TMEM63A: variants seen among roughly 807,000 people sequenced by gnomAD.
TMEM63A encodes transmembrane protein 63A.
Under a neutral mutation model 100.6 loss-of-function variants are expected in TMEM63A, and 76 were observed. The ratio of observed to expected loss-of-function variants is 0.76; its 90% CI spans 0.63 to 0.91. The LOEUF is 0.91. Ranked by LOEUF, TMEM63A falls within the 40% of genes least tolerant of loss-of-function variation. The pLI is 0.00. For synonymous variants in TMEM63A, 401 were observed against 401.1 expected, an observed-to-expected ratio of 1.00 and a Z score of 0.00; for missense variants, 876 against 1,008.8, an observed-to-expected ratio of 0.87 and a Z score of 1.78.
chr1:225,853,509 G>T lies in TMEM63A; in HGVS notation c.1797+120C>A. On this transcript the variant is annotated intron_variant, in intron 19 of 24. Transcript: ENST00000366835. This position sits in a 1 kb window ranked among gnomAD's most constrained non-coding sequence, Gnocchi z 4.0. The stretch of plus-strand genomic sequence containing the variant: ...AGCACTTAGCCCAGTGCCTGCACTA[G>T]TGGGTAGTCAGGTAAATGCTACCCA... 9.2e-7 allele frequency: 1 copy of T among 1,086,832 alleles called. No individual in the cohort carries two copies. The highest frequency in any genetic ancestry group is 1.3e-6 in the Non-Finnish European group (1 of 785,212). The allele number at this position is 1,086,832 out of a possible 1,614,324, so 67.3% of individuals were successfully genotyped here.
intron 22 of TMEM63A, 77 bp from the exon 23 acceptor site, chr1:225,848,631 T>G: frequency 6.8e-7 from 1 of 1,466,648 alleles, no homozygotes; most frequent in Admixed American, 1.7e-5. Context: ...ACACACAGAC[T>G]ATTAACACCC....
chr1:225,853,329 G>A lies in TMEM63A; in HGVS notation c.1797+300C>T, dbSNP rs372602338. ...TTTGGCTAAGAATTTATGCAAATGGGTGCCTACAGAAAAAGAGTCTGTTGG... is the reference window on the plus strand; with the variant it reads ...TTTGGCTAAGAATTTATGCAAATGGATGCCTACAGAAAAAGAGTCTGTTGG... On this transcript the variant is annotated intron_variant, in intron 19 of 24. Coordinates refer to ENST00000366835, the MANE Select transcript of TMEM63A (RefSeq NM_014698.3). The surrounding 1 kb of genome is among the most constrained non-coding windows in gnomAD (Gnocchi z 4.0). Among the ~76,000 whole-genome samples, 3 of 152,328 alleles carry A rather than the reference G, an allele frequency of 2.0e-5. No homozygotes were observed. Among genetic ancestry groups the A allele is most frequent in the East Asian group, 3.9e-4 (2 of 5,190 alleles).
intron 21 of TMEM63A, 79 bp from the exon 22 acceptor site, chr1:225,849,091 G>T (rs957630516): frequency 1.9e-5 from 22 of 1,141,062 alleles, no homozygotes; most frequent in Admixed American, 8.5e-5. Context: ...GGAAGGGGCC[G>T]CACCTGGTGT....
intron 3 of TMEM63A, among the ~76,000 whole-genome samples, chr1:225,876,063 C>CAAAAAAAA (rs532420561): frequency 1.8e-4 from 6 of 32,920 alleles, no homozygotes; most frequent in East Asian, 1.3e-3. Context: ...GACCTTGTCT[C>CAAAAAAAA]AAAAAAAAAA....
downstream of TMEM63A, chr1:225,841,212 T>C (rs1378666231): frequency 6.6e-6 from 1 of 152,234 alleles, no homozygotes; most frequent in Non-Finnish European, 1.5e-5. Flanking sequence ...ACAGAGTATA[T>C]ACCCTTGAGT....
intron 1 of TMEM63A, among the ~76,000 whole-genome samples, chr1:225,881,208 T>A (rs1435840491): frequency 6.6e-6 from 1 of 152,218 alleles, no homozygotes; most frequent in East Asian, 1.9e-4. Context: ...AGGGATTATG[T>A]GAGCAGGCTC....
chr1:225,850,819 C>T (rs1669290416), intron 20 of TMEM63A, among the ~76,000 whole-genome samples: 1 of 152,176 alleles, frequency 6.6e-6, no homozygotes, highest in African/African-American at 2.4e-5. Context: ...TCATGCCATT[C>T]TTCTGCCTCA....
intron 23 of TMEM63A, 130 bp downstream of exon 23, chr1:225,848,362 C>G: frequency 2.1e-6 from 2 of 939,580 alleles, no homozygotes; most frequent in Non-Finnish European, 3.2e-6. Context: ...GCCATTAATT[C>G]ACAAACTTGC....
Position 225,862,250 on chromosome 1 carries a change from G to C in TMEM63A, c.1053C>G (p.Phe351Leu). The change falls in exon 13 of 25, where the codon TTC (phenylalanine) becomes TTG (leucine). Residue 351 changes from phenylalanine to leucine, a missense_variant. Physicochemically the swap from Phe to Leu is conservative, Grantham distance 22 (BLOSUM62 0). Transcript: ENST00000366835. This position sits in a 1 kb window ranked among gnomAD's most constrained non-coding sequence, Gnocchi z 5.1. Reference protein sequence around the residue: ...HVQDQPLGMAFVTFQEKSMAT... With the variant: ...HVQDQPLGMALVTFQEKSMAT... ...CCATGGACTTCTCCTGGAAGGTGAC[G>C]AAGGCCATTCCCAGGGGCTGGTCCT... The C allele has an allele frequency of 6.2e-7, 1 of 1,614,142 alleles. No homozygotes were observed. The highest frequency in any genetic ancestry group is 1.1e-5 in the South Asian group (1 of 91,080).
chr1:225,846,902 T>G lies in TMEM63A; in HGVS notation c.*37A>C. On this transcript the variant is annotated 3_prime_UTR_variant, in exon 25 of 25. Transcript: ENST00000366835. ...AGCCAAGGGCCTGAGCCCCAGGCCATTCTGGTTGTGTCTTTTCAGAGCAGT... is the reference window on the plus strand; with the variant it reads ...AGCCAAGGGCCTGAGCCCCAGGCCAGTCTGGTTGTGTCTTTTCAGAGCAGT... 1.3e-5 allele frequency: 14 copies of G among 1,110,670 alleles called. No individual in the cohort carries two copies. The highest frequency in any genetic ancestry group is 1.6e-5 in the Non-Finnish European group (13 of 809,566). 68.8% of individuals were successfully genotyped at this position (1,110,670 alleles called of 1,614,324 possible).
Position 225,856,643 on chromosome 1 carries a change from G to C in TMEM63A, c.1571+9C>G. On this transcript the variant is annotated intron_variant, in intron 17 of 24. Transcript: ENST00000366835. The stretch of plus-strand genomic sequence containing the variant: ...TTCTGAATTTAGAGCAGAAGGTGGT[G>C]GCATATACCTGGTGAGACCCAGGGA... The C allele has an allele frequency of 6.2e-7, 1 of 1,613,132 alleles. No homozygotes were observed. The highest frequency in any genetic ancestry group is 1.3e-5 in the African/African-American group (1 of 74,946).
chr1:225,874,744 G>A (rs1227639693), intron 3 of TMEM63A, among the ~76,000 whole-genome samples: 1 of 152,204 alleles, frequency 6.6e-6, no homozygotes, highest in Non-Finnish European at 1.5e-5. Flanking sequence ...GTAAGGTCTG[G>A]CCCCAGAGCA....
intron 16 of TMEM63A, 31 bp downstream of exon 16, chr1:225,856,880 G>A (rs1669648097): frequency 1.3e-5 from 21 of 1,603,422 alleles, no homozygotes; most frequent in Non-Finnish European, 1.7e-5. Context: ...TCCTTCTTAG[G>A]GGCAGGGCCT....
intron 23 of TMEM63A, 138 bp from the exon 24 acceptor site, chr1:225,847,351 GA>G (rs1315562845): frequency 2.8e-6 from 3 of 1,087,292 alleles, no homozygotes; most frequent in Non-Finnish European, 3.9e-6. Context: ...ATCCATTTAG[GA>G]CATTAAGACC....
chr1:225,877,603 C>T lies in TMEM63A; in HGVS notation c.-14-9G>A. 3.7e-6 allele frequency: 6 copies of T among 1,603,198 alleles called. No homozygotes were observed. The highest frequency in any genetic ancestry group is 1.1e-5 in the South Asian group (1 of 89,742). ...CATCGCGCCTGTCTTCCCTGGAGCA[C>T]AGGACAACAGGACAAGGCAGACGTT... On this transcript the variant is annotated splice_polypyrimidine_tract_variant and intron_variant, in intron 2 of 24. Coordinates refer to ENST00000366835, the MANE Select transcript of TMEM63A (RefSeq NM_014698.3).
At position 225,852,770 on chromosome 1, in the gene TMEM63A, C is replaced by A; in HGVS notation, c.1798-1G>T. ...CAAACTCGTACTGGAAGGCCTGGTTCTGGGAGGAGGAGGTGGTGAGGAGCT... is the reference window on the plus strand; with the variant it reads ...CAAACTCGTACTGGAAGGCCTGGTTATGGGAGGAGGAGGTGGTGAGGAGCT... On this transcript the variant is annotated splice_acceptor_variant, in intron 19 of 24. Coordinates refer to ENST00000366835, the MANE Select transcript of TMEM63A (RefSeq NM_014698.3). LOFTEE classifies it high-confidence loss of function. The A allele has an allele frequency of 6.2e-7, 1 of 1,613,964 alleles. No individual in the cohort carries two copies. Among genetic ancestry groups the A allele is most frequent in the Non-Finnish European group, 8.5e-7 (1 of 1,179,948 alleles).
At chr1:225,868,401 C>T (rs528880845) in intron 6 of TMEM63A, among the ~76,000 whole-genome samples, 19 of 152,122 alleles carry the variant, frequency 1.2e-4, no homozygotes, top group Non-Finnish European at 1.0e-4. Context: ...TAGGGCTGGG[C>T]GCAGTGGCTC....
At chr1:225,866,487 G>C (rs973626073) in intron 9 of TMEM63A, 87 bp downstream of exon 9, 2 of 1,207,766 alleles carry the variant, frequency 1.7e-6, no homozygotes, top group African/African-American at 3.0e-5. Context: ...TGCAGTCAGG[G>C]CCTGTGGCAG....
rs1376579096 is a variant in TMEM63A, at chr1:225,872,054, C to T, written c.267-1G>A. On this transcript the variant is annotated splice_acceptor_variant, in intron 4 of 24. Coordinates refer to ENST00000366835, the MANE Select transcript of TMEM63A (RefSeq NM_014698.3). LOFTEE classifies it high-confidence loss of function. The stretch of plus-strand genomic sequence containing the variant: ...TGACAATCTCTGAAATCTGGACTCG[C>T]TAGAGACACAAAAAGAAAAAAAATG... The T allele has an allele frequency of 1.9e-6, 3 of 1,590,098 alleles. No homozygotes were observed. In the South Asian group the frequency reaches 3.4e-5, roughly 18 times the overall value.
Sources: gnomAD v4.1 joint callset for allele counts (sites outside exome capture counted in the v4.1 genomes callset) on GRCh38, gnomAD v4.1.1 for gene constraint, Gnocchi (gnomAD v3.1) non-coding constraint, MANE v1.5 for transcripts, NCBI Gene and HGNC (gene_info 2026-07-23, HGNC 2026-07-21) for gene names.